The following SYN2 variants were observed in gnomAD, a reference collection of about 807,000 sequenced individuals.
SYN2 encodes the protein synapsin-2.
Under a neutral mutation model 50.9 loss-of-function variants are expected in SYN2, and 19 were observed. The observed-to-expected ratio is 0.37, with a 90% CI of 0.26 to 0.55. SYN2 has a LOEUF of 0.55. Among genes scored for constraint, SYN2 ranks in the 20% least tolerant of loss-of-function variants. The probability of loss-of-function intolerance (pLI) is 0.81; values close to 1 mark genes in which losing one functional copy is unlikely to be tolerated. For synonymous variants in SYN2, 255 were observed against 224.9 expected, an observed-to-expected ratio of 1.13 and a Z score of -1.20; for missense variants, 587 against 576.4, an observed-to-expected ratio of 1.02 and a Z score of -0.19.
At chr3:12,185,835 C>T (rs1698332169) in intron 11 of SYN2, 1 of 912,758 alleles carries the variant, frequency 1.1e-6, no homozygotes, top group Non-Finnish European at 1.3e-6. Flanking sequence ...TATTACCTTA[C>T]AGGAGAATGC....
chr3:12,185,538 G>T, intron 11 of SYN2: 1 of 985,838 alleles, frequency 1.0e-6, no homozygotes, highest in Non-Finnish European at 1.2e-6. Context: ...TGTGGCCTGG[G>T]GGACATCTGT....
chr3:12,153,254 A>G, intron 5 of SYN2: 1 of 545,156 alleles, frequency 1.8e-6, no homozygotes, highest in Non-Finnish European at 3.3e-6. Context: ...GCTTTAGAAA[A>G]CAGACTAAGC....
chr3:12,179,682 G>T (rs1157636114), intron 10 of SYN2, among the ~76,000 whole-genome samples: 2 of 152,206 alleles, frequency 1.3e-5, no homozygotes, highest in African/African-American at 4.8e-5. Flanking sequence ...CATGTGTAAA[G>T]TTGTCATTTC....
At chr3:12,160,042 C>CATA (rs1697604679) in intron 5 of SYN2, among the ~76,000 whole-genome samples, 1 of 67,614 alleles carries the variant, frequency 1.5e-5, no homozygotes, top group Admixed American at 2.0e-4. Context: ...GACTCCGTCT[C>CATA]AAAAAAAAAA....
intron 1 of SYN2, among the ~76,000 whole-genome samples, chr3:12,047,934 C>G (rs1164829844): frequency 2.0e-5 from 3 of 152,188 alleles, no homozygotes; most frequent in African/African-American, 4.8e-5. Context: ...CAGCAGTTAA[C>G]TCTGGGTATG....
chr3:12,045,544 A>G (rs1361639211), intron 1 of SYN2, among the ~76,000 whole-genome samples: 1 of 152,184 alleles, frequency 6.6e-6, no homozygotes, highest in Non-Finnish European at 1.5e-5. Flanking sequence ...TACCACCACT[A>G]TTGCTATCAC....
At chr3:12,008,556 T>A (rs1191131174) in intron 1 of SYN2, among the ~76,000 whole-genome samples, 1 of 152,156 alleles carries the variant, frequency 6.6e-6, no homozygotes, top group Non-Finnish European at 1.5e-5. Flanking sequence ...GATCCCCAGG[T>A]GATTCATAAT....
rs1693760654 is a variant in SYN2 at position 12,004,895 on chromosome 3, T to C, written c.344T>C (p.Val115Ala). The change falls in exon 1 of 13, where the codon GTG becomes GCG. Residue 115 changes from valine (V) to alanine (A), a missense_variant. By Grantham distance (64) the Val-to-Ala change is moderately conservative. Transcript: ENST00000621198. ...PAPAAARKAK[V>A]LLVVDEPHAD... Reference sequence around the variant, plus strand: ...CCCGCAGCCGCCAGGAAGGCCAAGGTGCTGCTGGTGGTCGACGAGCCGCAC... The same window carrying C: ...CCCGCAGCCGCCAGGAAGGCCAAGGCGCTGCTGGTGGTCGACGAGCCGCAC... The C allele has an allele frequency of 1.7e-6, 1 of 583,178 alleles. No homozygotes were observed. Among genetic ancestry groups the C allele is most frequent in the Non-Finnish European group, 3.1e-6 (1 of 326,382 alleles). 36.1% of individuals were successfully genotyped at this position (583,178 alleles called of 1,614,324 possible). A position where few individuals can be genotyped will look rare whatever the true frequency, so the allele number is the denominator to read the frequency against.
chr3:12,159,024 G>C, intron 5 of SYN2: 1 of 798,826 alleles, frequency 1.3e-6, no homozygotes, highest in Non-Finnish European at 1.9e-6. Context: ...AGGACCCGAG[G>C]CTCTTCCGAC....
At chr3:12,057,446 T>C (rs935672181) in intron 1 of SYN2, among the ~76,000 whole-genome samples, 5 of 152,136 alleles carry the variant, frequency 3.3e-5, no homozygotes, top group Non-Finnish European at 7.3e-5. Flanking sequence ...CCTAGAACAA[T>C]CTTAAACATA....
chr3:12,009,154 T>A (rs1056204296), intron 1 of SYN2, among the ~76,000 whole-genome samples: 15 of 152,232 alleles, frequency 9.9e-5, no homozygotes, highest in Admixed American at 8.5e-4. Context: ...AATTTGATTG[T>A]TCATAGCAGC....
chr3:12,019,619 G>GA (rs919238935), intron 1 of SYN2, among the ~76,000 whole-genome samples: 5 of 152,050 alleles, frequency 3.3e-5, no homozygotes, highest in African/African-American at 1.2e-4. Flanking sequence ...AGGTTTGTTT[G>GA]AAAAAAATGC....
chr3:12,007,114 T>G (rs1044457508), intron 1 of SYN2, among the ~76,000 whole-genome samples: 1 of 152,214 alleles, frequency 6.6e-6, no homozygotes, highest in Non-Finnish European at 1.5e-5. Context: ...CTTCTGTAGC[T>G]TAAGATTTGA....
intron 1 of SYN2, among the ~76,000 whole-genome samples, chr3:12,009,331 A>G (rs1460173962): frequency 6.7e-6 from 1 of 149,536 alleles, no homozygotes; most frequent in Non-Finnish European, 1.5e-5. Context: ...TCTCTCTACC[A>G]TGTTTTTTTT....
intron 1 of SYN2, among the ~76,000 whole-genome samples, chr3:12,017,347 C>G (rs1019583955): frequency 3.3e-5 from 5 of 152,188 alleles, no homozygotes; most frequent in African/African-American, 7.2e-5. Context: ...TAGATTACTA[C>G]TATTAACCTA....
Position 12,190,800 on chromosome 3 carries a change from C to T in SYN2, c.*175C>T. ...CCCAGAAAGGACCATTTGACAGTCT[C>T]AGGGCAGGTGCCTACCCAGCAAGGG... On this transcript the variant is annotated 3_prime_UTR_variant, in exon 13 of 13. Coordinates refer to ENST00000621198, the MANE Select transcript of SYN2 (RefSeq NM_133625.6). 1 of 1,376,428 alleles carries T rather than the reference C, an allele frequency of 7.3e-7. No individual in the cohort carries two copies. Among genetic ancestry groups the T allele is most frequent in the East Asian group, 3.0e-5 (1 of 33,894 alleles). 85.3% of individuals were successfully genotyped at this position (1,376,428 alleles called of 1,614,324 possible).
At chr3:12,140,814 T>G (rs966775714) in intron 2 of SYN2, 106 bp downstream of exon 2, 1 of 712,146 alleles carries the variant, frequency 1.4e-6, no homozygotes, top group South Asian at 1.5e-5. Context: ...TGTCCATCAT[T>G]GGGTTCTGGA....
chr3:12,186,673 G>A (rs1286006676), intron 11 of SYN2, among the ~76,000 whole-genome samples: 2 of 152,184 alleles, frequency 1.3e-5, no homozygotes, highest in African/African-American at 4.8e-5. Context: ...CCCTGGTGGG[G>A]CATGGTGGGC....
intron 1 of SYN2, among the ~76,000 whole-genome samples, chr3:12,049,566 C>T (rs1053230395): frequency 9.2e-5 from 14 of 151,598 alleles, no homozygotes; most frequent in Non-Finnish European, 1.5e-5. Context: ...GATGAGGGAA[C>T]TGAGTACTAG....
Sources: gnomAD v4.1 joint callset for allele counts (sites outside exome capture counted in the v4.1 genomes callset) on GRCh38, gnomAD v4.1.1 for gene constraint, MANE v1.5 for transcripts, NCBI Gene and HGNC (gene_info 2026-07-23, HGNC 2026-07-21) for gene names.